Variants in NEDD4 observed in about 807,000 individuals in gnomAD.
The protein encoded by NEDD4 is NEDD4 E3 ubiquitin protein ligase.
Under a neutral mutation model 144.9 loss-of-function variants are expected in NEDD4, and 99 were observed. The observed-to-expected ratio is 0.68, with a 90% CI of 0.58 to 0.81. The LOEUF is 0.81. NEDD4 is among the 30% of genes least tolerant of loss of function. The probability of loss-of-function intolerance (pLI) is 0.00; values close to 1 mark genes in which losing one functional copy is unlikely to be tolerated. For missense variants in NEDD4, 985 were observed against 1,065.9 expected (o/e 0.92, Z 1.06); for synonymous variants, 318 against 350.6 (o/e 0.91, Z 1.04).
At chr15:55,876,891 G>C (rs2142078422) in intron 5 of NEDD4, among the ~76,000 whole-genome samples, 1 of 144,810 alleles carries the variant, frequency 6.9e-6, no homozygotes, top group East Asian at 2.0e-4. Flanking sequence ...TTTTTAAAGA[G>C]ATGGAGTCTT....
intron 1 of NEDD4, among the ~76,000 whole-genome samples, chr15:55,986,153 A>T (rs1467795047): frequency 6.6e-6 from 1 of 152,236 alleles, no homozygotes; most frequent in African/African-American, 2.4e-5. Context: ...TGACAGGAAA[A>T]GGAAAGCTCT....
chr15:55,929,564 T>C (rs1336536907), intron 4 of NEDD4, among the ~76,000 whole-genome samples: 2 of 152,172 alleles, frequency 1.3e-5, no homozygotes, highest in Non-Finnish European at 2.9e-5. Context: ...TAACTTCCAC[T>C]TATAAGTGAG....
intron 24 of NEDD4, among the ~76,000 whole-genome samples, chr15:55,836,627 GC>G (rs1174747854): frequency 6.6e-6 from 1 of 152,144 alleles, no homozygotes; most frequent in East Asian, 1.9e-4. Flanking sequence ...TCAGGTTCAA[GC>G]AATTCCCCTG....
At chr15:55,992,856 T>A (rs1056255150) in intron 1 of NEDD4, among the ~76,000 whole-genome samples, 2 of 152,214 alleles carry the variant, frequency 1.3e-5, no homozygotes, top group Non-Finnish European at 2.9e-5. Flanking sequence ...GTATTTATAC[T>A]TTTTTGGCTT....
chr15:55,829,715 A>G lies in NEDD4; in HGVS notation c.*182T>C, dbSNP rs1182028450. 3.7e-6 allele frequency: 2 copies of G among 535,322 alleles called. No homozygotes were observed. Among genetic ancestry groups the G allele is most frequent in the African/African-American group, 3.8e-5 (2 of 52,360 alleles). 33.2% of individuals were successfully genotyped at this position (535,322 alleles called of 1,614,324 possible). ...TGAAACAACTGTGTAAATGCAACAC[A>G]TTATTTAAAAGTGATTAAAAATAAG... On this transcript the variant is annotated 3_prime_UTR_variant, in exon 29 of 29. Transcript: ENST00000435532.
chr15:55,842,216 A>G, intron 18 of NEDD4, 53 bp from the exon 19 acceptor site: 3 of 1,432,744 alleles, frequency 2.1e-6, no homozygotes, highest in Non-Finnish European at 2.9e-6. Flanking sequence ...CATAATAACA[A>G]ACCCATCTCT....
chr15:55,964,769 A>C (rs1294494421), intron 2 of NEDD4, among the ~76,000 whole-genome samples: 2 of 150,088 alleles, frequency 1.3e-5, no homozygotes, highest in Non-Finnish European at 3.0e-5. Context: ...TGTATCCTTC[A>C]AACCGCATGT....
chr15:55,903,002 A>C (rs1385686932), intron 5 of NEDD4, among the ~76,000 whole-genome samples: 1 of 151,886 alleles, frequency 6.6e-6, no homozygotes, highest in African/African-American at 2.4e-5. Context: ...CTCCATCTCA[A>C]ATAAAAAATA....
At chr15:55,964,826 TGGAG>T (rs1235010567) in intron 2 of NEDD4, among the ~76,000 whole-genome samples, 3 of 152,016 alleles carry the variant, frequency 2.0e-5, no homozygotes, top group Admixed American at 6.6e-5. Context: ...GGGTCTCGGT[TGGAG>T]GTATTAGGGT....
At chr15:55,948,939 C>T (rs1242832813) in intron 4 of NEDD4, among the ~76,000 whole-genome samples, 1 of 152,090 alleles carries the variant, frequency 6.6e-6, no homozygotes, top group Non-Finnish European at 1.5e-5. Context: ...GCAACAAAAG[C>T]CAGAATTGAC....
chr15:55,853,206 A>G (rs533917302), intron 12 of NEDD4, among the ~76,000 whole-genome samples: 5 of 152,354 alleles, frequency 3.3e-5, no homozygotes, highest in African/African-American at 1.2e-4. Flanking sequence ...GAAATAAACC[A>G]CATTTTAAAT....
chr15:55,905,843 A>G (rs1483423228), intron 5 of NEDD4, among the ~76,000 whole-genome samples: 1 of 152,184 alleles, frequency 6.6e-6, no homozygotes, highest in African/African-American at 2.4e-5. Context: ...CTCTGATGGT[A>G]GCTTCTTTTG....
In NEDD4 at chr15:55,847,010, T is replaced by G. The variant is rs2033777684; in HGVS notation, c.1567A>C (p.Lys523Gln). The change falls in exon 18 of 29, where the codon AAA (lysine) becomes CAA (glutamine). Residue 523 changes from lysine to glutamine, a missense_variant. Transcript: ENST00000435532. Reference protein sequence around the residue: ...GPAVPYSRDYKRKYEFFRRKL... With the variant: ...GPAVPYSRDYQRKYEFFRRKL... ...CTTCGGAAGAACTCATACTTTCTTT[T>G]GTAATCCCTGGAGTAGGGCACTGCC... is the stretch of plus-strand genomic sequence containing the variant. 2 of 1,610,732 alleles carry G rather than the reference T, an allele frequency of 1.2e-6. No homozygotes were observed. The highest frequency in any genetic ancestry group is 1.7e-6 in the Non-Finnish European group (2 of 1,177,842).
At chr15:55,954,703 T>C (rs1485330304) in intron 2 of NEDD4, among the ~76,000 whole-genome samples, 2 of 152,160 alleles carry the variant, frequency 1.3e-5, no homozygotes, top group African/African-American at 4.8e-5. Context: ...TTTGTATTTT[T>C]AGTAGAGATG....
intron 5 of NEDD4, among the ~76,000 whole-genome samples, chr15:55,884,118 G>A (rs1416528781): frequency 6.6e-6 from 1 of 152,096 alleles, no homozygotes; most frequent in Non-Finnish European, 1.5e-5. Context: ...GACCTCAAGT[G>A]ATCCACCCAC....
intron 11 of NEDD4, among the ~76,000 whole-genome samples, chr15:55,856,915 T>G (rs2034218921): frequency 6.6e-6 from 1 of 152,254 alleles, no homozygotes; most frequent in African/African-American, 2.4e-5. Context: ...GAATATCCAC[T>G]GTAGTACTGT....
At chr15:55,922,143 T>C (rs2036580080) in intron 5 of NEDD4, among the ~76,000 whole-genome samples, 1 of 152,226 alleles carries the variant, frequency 6.6e-6, no homozygotes, top group Admixed American at 6.5e-5. Context: ...TTTATCAATT[T>C]GTAAGAGCAA....
chr15:55,840,761 G>A, intron 19 of NEDD4, 34 bp from the exon 20 acceptor site: 2 of 1,581,976 alleles, frequency 1.3e-6, no homozygotes, highest in Non-Finnish European at 1.7e-6. Flanking sequence ...TACTTCATTT[G>A]AAAAACTTTA....
chr15:55,874,764 A>T (rs2034929373), intron 5 of NEDD4, among the ~76,000 whole-genome samples: 1 of 152,180 alleles, frequency 6.6e-6, no homozygotes, highest in Non-Finnish European at 1.5e-5. Context: ...ACCTGAGGTC[A>T]GGAGTTAGAG....
Sources: gnomAD v4.1 joint callset for allele counts (sites outside exome capture counted in the v4.1 genomes callset) on GRCh38, gnomAD v4.1.1 for gene constraint, MANE v1.5 for transcripts, NCBI Gene and HGNC (gene_info 2026-07-23, HGNC 2026-07-21) for gene names.